TMEM92: variants seen among roughly 807,000 people sequenced by gnomAD.
TMEM92 encodes the protein transmembrane protein 92.
Under a neutral mutation model 14.6 loss-of-function variants are expected in TMEM92, and 15 were observed. That is an observed-to-expected ratio of 1.03 (90% CI 0.69 to 1.58). The LOEUF (loss-of-function observed/expected upper bound fraction) is 1.58, where lower values mean the gene tolerates loss of function less well. TMEM92 is among the 40% of genes most tolerant of loss of function. TMEM92 has a pLI of 0.00. For synonymous variants in TMEM92, 85 were observed against 83.3 expected, an observed-to-expected ratio of 1.02 and a Z score of -0.11; for missense variants, 174 against 202.4, an observed-to-expected ratio of 0.86 and a Z score of 0.85.
chr17:50,277,691 C>T (rs1292593543), intron 1 of TMEM92, 24 bp from the exon 2 acceptor site: 2 of 1,613,860 alleles, frequency 1.2e-6, no homozygotes, highest in African/African-American at 1.3e-5. Context: ...GACCCTGACC[C>T]CCGACCTCTC....
At chr17:50,278,682 T>C in intron 3 of TMEM92, 52 bp downstream of exon 3, 1 of 1,596,292 alleles carries the variant, frequency 6.3e-7, no homozygotes, top group South Asian at 1.1e-5. Flanking sequence ...GGCCTGGTCC[T>C]GTGTGGACAA....
rs116558732 is a variant in TMEM92 at position 50,276,354 on chromosome 17, C to T, written c.70-1361C>T. On this transcript the variant is annotated intron_variant, in intron 1 of 4. Transcript: ENST00000507382. ...CACAGACTCACCCTTTCTGGGCCAA[C>T]CTGCAGGGGTTCCTTCCTGTTCCTG... Among the ~76,000 whole-genome samples, 164 of 152,226 alleles carry T rather than the reference C, an allele frequency of 1.1e-3. 1 individual carries two copies. Among genetic ancestry groups the T allele is most frequent in the African/African-American group, 3.7e-3 (153 of 41,520 alleles).
At position 50,281,342 on chromosome 17, in the gene TMEM92, G is replaced by A. The variant is rs75821392; in HGVS notation, c.*2034G>A. ...GTATCCATTAAAATGTAAAATGCAC[G>A]TGACCTGGCAATTCCACTTCTAGAA... On this transcript the variant is annotated 3_prime_UTR_variant, in exon 5 of 5. Coordinates refer to ENST00000507382, the MANE Select transcript of TMEM92 (RefSeq NM_153229.3). The A allele has an allele frequency of 1.6e-4, 24 of 152,260 alleles. No individual in the cohort carries two copies. The highest frequency in any genetic ancestry group is 3.9e-4 in the Admixed American group (6 of 15,288). 9.4% of individuals were successfully genotyped at this position (152,260 alleles called of 1,614,324 possible).
At position 50,279,568 on chromosome 17, in the gene TMEM92, T is replaced by G; in HGVS notation, c.*260T>G. 2.3e-6 allele frequency: 1 copy of G among 436,556 alleles called. No homozygotes were observed. The highest frequency in any genetic ancestry group is 4.2e-6 in the Non-Finnish European group (1 of 240,048). 27.0% of individuals were successfully genotyped at this position (436,556 alleles called of 1,614,324 possible). Reference sequence around the variant, plus strand: ...CTGCCGGAAAGAAAATGCTGACCATTGGAGGTGCCCAACAGTAGAATGGGC... The same window carrying G: ...CTGCCGGAAAGAAAATGCTGACCATGGGAGGTGCCCAACAGTAGAATGGGC... On this transcript the variant is annotated 3_prime_UTR_variant, in exon 5 of 5. Transcript: ENST00000507382.
chr17:50,277,842 C>A, intron 2 of TMEM92, 102 bp downstream of exon 2: 1 of 1,444,504 alleles, frequency 6.9e-7, no homozygotes, highest in South Asian at 1.2e-5. Context: ...AAACTCCATC[C>A]GTCCTCAGTC....
chr17:50,275,339 C>T (rs1398005275), intron 1 of TMEM92, among the ~76,000 whole-genome samples: 1 of 152,074 alleles, frequency 6.6e-6, no homozygotes, highest in African/African-American at 2.4e-5. Flanking sequence ...GGCACCTTCA[C>T]ACATCTGGGC....
rs777862880 is a variant in TMEM92, at chr17:50,274,518, TC to T, written c.21del (p.Gly8AlafsTer49). 1 of 1,613,822 alleles carries T rather than the reference TC, an allele frequency of 6.2e-7. No homozygotes were observed. Among genetic ancestry groups the T allele is most frequent in the Non-Finnish European group, 8.5e-7 (1 of 1,179,896 alleles). On this transcript the variant is annotated frameshift_variant, in exon 1 of 5. Transcript: ENST00000507382. LOFTEE classifies it high-confidence loss of function. MSQAWVPGLAPTLLFS... is the reference protein window; with the variant it reads MSQAWXPGLAPTLLFS... ...CAAGCCAGGATGTCCCAAGCTTGGG[TC>T]CCCGGCCTCGCGCCCACCTTGCTGT...
rs1910550280 is a variant in TMEM92 at position 50,279,576 on chromosome 17, C to T, written c.*268C>T. ...AAGAAAATGCTGACCATTGGAGGTG[C>T]CCAACAGTAGAATGGGCTACTGTGA... On this transcript the variant is annotated 3_prime_UTR_variant, in exon 5 of 5. Transcript: ENST00000507382. 4 of 419,174 alleles carry T rather than the reference C, an allele frequency of 9.5e-6. No individual in the cohort carries two copies. The highest frequency in any genetic ancestry group is 7.0e-5 in the South Asian group (3 of 43,000). The allele number at this position is 419,174 out of a possible 1,614,324, so 26.0% of individuals were successfully genotyped here.
At chr17:50,279,096 TG>T (rs1910528400) in intron 4 of TMEM92, 98 bp from the exon 5 acceptor site, 1 of 1,438,174 alleles carries the variant, frequency 7.0e-7, no homozygotes, top group African/African-American at 1.4e-5. Context: ...CACCCAGCAT[TG>T]GGTCACCCCT....
chr17:50,275,838 T>TA (rs1333389227), intron 1 of TMEM92, among the ~76,000 whole-genome samples: 1 of 152,104 alleles, frequency 6.6e-6, no homozygotes, highest in Non-Finnish European at 1.5e-5. Flanking sequence ...TATATATATA[T>TA]TTTTAATTTA....
chr17:50,275,928 AG>A (rs1352060165), intron 1 of TMEM92, among the ~76,000 whole-genome samples: 2 of 152,080 alleles, frequency 1.3e-5, no homozygotes, highest in African/African-American at 4.8e-5. Context: ...TCGTGAGGTC[AG>A]GAGTTTCAGA....
chr17:50,278,177 G>A (rs1272444546), intron 2 of TMEM92, among the ~76,000 whole-genome samples: 1 of 152,160 alleles, frequency 6.6e-6, no homozygotes, highest in Non-Finnish European at 1.5e-5. Context: ...CTCCATGGGC[G>A]CCAGCGAGAA....
At chr17:50,274,688 G>C in intron 1 of TMEM92, 118 bp downstream of exon 1, 1 of 875,020 alleles carries the variant, frequency 1.1e-6, no homozygotes, top group Non-Finnish European at 1.8e-6. Flanking sequence ...ACCACACACA[G>C]TTAGCTACTT....
At chr17:50,274,450 G>A (rs1443146062), upstream of TMEM92, 4 of 1,599,974 alleles carry the variant, frequency 2.5e-6, no homozygotes, top group Admixed American at 3.4e-5. Context: ...AGTGGGAGAG[G>A]TCGCAGCCCC....
intron 2 of TMEM92, 132 bp downstream of exon 2, chr17:50,277,872 T>TC: frequency 1.7e-6 from 2 of 1,173,264 alleles, no homozygotes; most frequent in Non-Finnish European, 1.2e-6. Flanking sequence ...CCAGAAACTG[T>TC]CCCCCCACTT....
At chr17:50,274,830 A>G (rs1226224686) in intron 1 of TMEM92, 1 of 529,300 alleles carries the variant, frequency 1.9e-6, no homozygotes, top group African/African-American at 2.0e-5. Flanking sequence ...TCTGACACCT[A>G]GCACGTCTCT....
upstream of TMEM92, among the ~76,000 whole-genome samples, chr17:50,274,104 G>C (rs187320197): frequency 2.0e-5 from 3 of 152,222 alleles, no homozygotes; most frequent in African/African-American, 7.2e-5. Context: ...TCAGGCTCCT[G>C]AGTAGTTGGG....
At chr17:50,279,120 C>T in intron 4 of TMEM92, 75 bp from the exon 5 acceptor site, 1 of 1,514,376 alleles carries the variant, frequency 6.6e-7, no homozygotes, top group South Asian at 1.1e-5. Context: ...CCCTGGTAAC[C>T]ATGCCTCAGC....
chr17:50,274,966 G>A, intron 1 of TMEM92: 1 of 204,806 alleles, frequency 4.9e-6, no homozygotes, highest in South Asian at 8.7e-5. Flanking sequence ...GGGGACCCTG[G>A]GATGTCCCCA....
Sources: allele counts gnomAD v4.1 joint callset (sites outside exome capture counted in the v4.1 genomes callset), GRCh38; gene constraint gnomAD v4.1.1; transcripts MANE v1.5; gene names NCBI Gene and HGNC (gene_info 2026-07-23, HGNC 2026-07-21).